Variants in ATP8B4 observed in about 807,000 individuals in gnomAD.
ATP8B4 encodes the protein probable phospholipid-transporting ATPase IM.
In ATP8B4, 133 loss-of-function variants were observed where a neutral mutation model predicts 145.6. That is an observed-to-expected ratio of 0.91 (90% CI 0.79 to 1.05). The LOEUF is 1.05. Among genes scored for constraint, ATP8B4 ranks in the 50% least tolerant of loss-of-function variants. ATP8B4 has a pLI of 0.00. For synonymous variants in ATP8B4, 507 were observed against 492.9 expected (o/e 1.03, Z -0.38); for missense variants, 1,458 against 1,425.2 (o/e 1.02, Z -0.37).
chr15:50,074,600 C>G (rs4451890), intron 2 of ATP8B4, among the ~76,000 whole-genome samples: 133,985 of 152,242 alleles, frequency 0.88, 59,289 homozygotes, highest in East Asian at 0.99. Context: ...CCATACAGAA[C>G]TGGCCAGTGA....
intron 7 of ATP8B4, among the ~76,000 whole-genome samples, chr15:50,008,284 A>G (rs972727681): frequency 1.3e-5 from 2 of 152,106 alleles, no homozygotes; most frequent in African/African-American, 4.8e-5. Flanking sequence ...CCAGCTCCCA[A>G]ACTCACCAAT....
chr15:50,086,843 TTATA>T (rs1396383961), intron 2 of ATP8B4, among the ~76,000 whole-genome samples: 2 of 82,968 alleles, frequency 2.4e-5, no homozygotes, highest in Non-Finnish European at 4.2e-5. Context: ...ATCTATATTA[TTATA>T]TATAATAAAA....
At chr15:49,956,345 C>T (rs1463455974) in intron 14 of ATP8B4, among the ~76,000 whole-genome samples, 2 of 151,984 alleles carry the variant, frequency 1.3e-5, no homozygotes, top group African/African-American at 4.8e-5. Flanking sequence ...CTGTTTTGTT[C>T]ATGTAATAAA....
chr15:50,055,337 A>T (rs1011671764), intron 3 of ATP8B4, among the ~76,000 whole-genome samples: 1 of 152,208 alleles, frequency 6.6e-6, no homozygotes. Context: ...CAACCAACCA[A>T]ACACCAGGTA....
rs115736926 is a variant in ATP8B4, at chr15:50,168,408, C to T, written c.-43+13853G>A. Among the ~76,000 whole-genome samples, 481 of 152,224 alleles carry T rather than the reference C, an allele frequency of 3.2e-3. 3 individuals carry two copies. Among genetic ancestry groups the T allele is most frequent in the African/African-American group, 0.011 (465 of 41,524 alleles). On this transcript the variant is annotated intron_variant, in intron 1 of 3. Coordinates refer to the ATP8B4 transcript ENST00000558829. ...TAGACCCTCCTCTCTCAAACACACA[C>T]CCCCACTGCAGAAGCTGAAGGTCTG...
chr15:49,878,022 T>C (rs910010180), intron 24 of ATP8B4, among the ~76,000 whole-genome samples: 2 of 152,092 alleles, frequency 1.3e-5, no homozygotes, highest in Non-Finnish European at 2.9e-5. Context: ...CTGTCCAGCA[T>C]AGCATTCCAC....
intron 14 of ATP8B4, among the ~76,000 whole-genome samples, chr15:49,952,930 T>C (rs2043227962): frequency 6.6e-6 from 1 of 152,036 alleles, no homozygotes; most frequent in East Asian, 1.9e-4. Context: ...TGTTGTTGCT[T>C]TCTGCTTGTT....
At chr15:49,907,665 T>C (rs1193697995) in intron 20 of ATP8B4, among the ~76,000 whole-genome samples, 1 of 152,236 alleles carries the variant, frequency 6.6e-6, no homozygotes, top group African/African-American at 2.4e-5. Context: ...GAGTAGATAT[T>C]TGTATCCCCA....
chr15:49,933,476 A>T (rs554112923), intron 15 of ATP8B4, among the ~76,000 whole-genome samples: 1 of 151,846 alleles, frequency 6.6e-6, no homozygotes, highest in Non-Finnish European at 1.5e-5. Context: ...ATGAACCCTG[A>T]GTTCCAAACA....
intron 1 of ATP8B4, among the ~76,000 whole-genome samples, chr15:50,136,524 T>C (rs1442704417): frequency 1.3e-5 from 2 of 152,234 alleles, no homozygotes; most frequent in Non-Finnish European, 2.9e-5. Context: ...TTTTCCATGA[T>C]CAAGATATTG....
At chr15:50,035,465 T>A (rs1419249665) in intron 6 of ATP8B4, among the ~76,000 whole-genome samples, 1 of 152,186 alleles carries the variant, frequency 6.6e-6, no homozygotes, top group African/African-American at 2.4e-5. Flanking sequence ...CATGAATGGA[T>A]AGAACTCTAA....
intron 20 of ATP8B4, among the ~76,000 whole-genome samples, chr15:49,903,330 A>G (rs995501421): frequency 1.3e-5 from 2 of 152,214 alleles, no homozygotes; most frequent in Non-Finnish European, 2.9e-5. Context: ...GCTTAACCAC[A>G]TAATACAAAT....
chr15:49,872,428 T>C (rs373328450), intron 25 of ATP8B4, among the ~76,000 whole-genome samples: 3 of 152,304 alleles, frequency 2.0e-5, no homozygotes, highest in East Asian at 1.9e-4. Flanking sequence ...GCGACTTACT[T>C]TTAGGCACTA....
At chr15:49,894,832 G>A (rs2037220016) in intron 23 of ATP8B4, 1 of 152,244 alleles carries the variant, frequency 6.6e-6, no homozygotes, top group South Asian at 2.1e-4. Context: ...CCTGCCTCAA[G>A]CATGGGAAAG....
At chr15:50,003,273 C>CGTGTGTGTGTGTGTGTGTGT (rs1491248763) in intron 7 of ATP8B4, among the ~76,000 whole-genome samples, 3 of 85,884 alleles carry the variant, frequency 3.5e-5, no homozygotes, top group African/African-American at 1.4e-4. Context: ...ATAGGGTGTG[C>CGTGTGTGTGTGTGTGTGTGT]ATGTGTGTGT....
At chr15:49,984,574 C>T (rs1359367801) in intron 10 of ATP8B4, among the ~76,000 whole-genome samples, 2 of 152,010 alleles carry the variant, frequency 1.3e-5, no homozygotes, top group Non-Finnish European at 2.9e-5. Context: ...GTAAGAGTGG[C>T]CTTCTGTTGA....
intron 1 of ATP8B4, among the ~76,000 whole-genome samples, chr15:50,130,693 T>G (rs2057340051): frequency 6.6e-6 from 1 of 151,980 alleles, no homozygotes; most frequent in Non-Finnish European, 1.5e-5. Flanking sequence ...GGAGAATTGC[T>G]TGAACCCAGG....
chr15:50,001,085 G>C (rs566252353), intron 8 of ATP8B4, among the ~76,000 whole-genome samples: 19 of 151,640 alleles, frequency 1.3e-4, no homozygotes, highest in Admixed American at 1.2e-3. Context: ...AGTATTCTTA[G>C]AGGTTTGTCA....
At chr15:50,089,805 G>A (rs1041459784) in intron 2 of ATP8B4, among the ~76,000 whole-genome samples, 26 of 152,024 alleles carry the variant, frequency 1.7e-4, no homozygotes, top group African/African-American at 2.4e-4. Flanking sequence ...TCAGTATGGC[G>A]ATTCCTCAAA....
Sources: allele counts gnomAD v4.1 joint callset (sites outside exome capture counted in the v4.1 genomes callset), GRCh38; gene constraint gnomAD v4.1.1; transcripts MANE v1.5; gene names NCBI Gene and HGNC (gene_info 2026-07-23, HGNC 2026-07-21).